The following LRP1B variants were observed in gnomAD, a reference collection of about 807,000 sequenced individuals.
The protein encoded by LRP1B is low-density lipoprotein receptor-related protein 1B.
LRP1B carries 217 observed loss-of-function variants against 556.6 expected under a neutral mutation model. The observed-to-expected ratio is 0.39, with a 90% CI of 0.35 to 0.44. The LOEUF (loss-of-function observed/expected upper bound fraction) is 0.44. LRP1B is among the 20% of genes least tolerant of loss of function. The pLI, the probability that LRP1B is intolerant of heterozygous loss-of-function variation, is 1.00. For synonymous variants in LRP1B, 2,047 were observed against 1,865.8 expected, an observed-to-expected ratio of 1.10 and a Z score of -2.50; for missense variants, 5,053 against 5,620.8, an observed-to-expected ratio of 0.90 and a Z score of 3.23.
chr2:141,721,657 AC>A (rs1692819750), intron 2 of LRP1B, among the ~76,000 whole-genome samples: 1 of 152,174 alleles, frequency 6.6e-6, no homozygotes, highest in African/African-American at 2.4e-5. Context: ...AGATTAGAGA[AC>A]TTTGTTCTTC....
At chr2:140,444,081 G>A (rs1201768238) in intron 65 of LRP1B, among the ~76,000 whole-genome samples, 1 of 152,120 alleles carries the variant, frequency 6.6e-6, no homozygotes, top group African/African-American at 2.4e-5. Flanking sequence ...GGATGATGTG[G>A]ATGAATGAAT....
At chr2:141,594,142 C>G (rs1687433534) in intron 2 of LRP1B, among the ~76,000 whole-genome samples, 1 of 152,114 alleles carries the variant, frequency 6.6e-6, no homozygotes, top group African/African-American at 2.4e-5. Flanking sequence ...CAGACCTAGC[C>G]AGATGGGGGA....
chr2:141,334,198 C>T (rs564085333), intron 3 of LRP1B, among the ~76,000 whole-genome samples: 6 of 152,284 alleles, frequency 3.9e-5, no homozygotes, highest in African/African-American at 1.4e-4. Context: ...TCCTGTCCAA[C>T]TGTAATCCTC....
intron 32 of LRP1B, among the ~76,000 whole-genome samples, chr2:140,780,955 C>G (rs10928072): frequency 2.6e-5 from 4 of 151,746 alleles, no homozygotes; most frequent in African/African-American, 9.7e-5. Context: ...AAAATGCCAA[C>G]CTCACCCTTT....
chr2:140,785,284 G>A (rs539944109), intron 32 of LRP1B, among the ~76,000 whole-genome samples: 1 of 152,140 alleles, frequency 6.6e-6, no homozygotes, highest in Non-Finnish European at 1.5e-5. Context: ...GCTGGAAGCT[G>A]TACTTCACTA....
intron 11 of LRP1B, among the ~76,000 whole-genome samples, chr2:141,043,807 A>C (rs1698779424): frequency 6.6e-6 from 1 of 152,036 alleles, no homozygotes; most frequent in Non-Finnish European, 1.5e-5. Context: ...TTACAATGAA[A>C]AATAAATCTT....
chr2:140,339,201 A>C (rs938510995), intron 77 of LRP1B, among the ~76,000 whole-genome samples: 3 of 151,804 alleles, frequency 2.0e-5, no homozygotes, highest in African/African-American at 7.2e-5. Context: ...TTACTAGTTT[A>C]AATTACTAAT....
chr2:140,830,111 A>G (rs1343079774), intron 31 of LRP1B, among the ~76,000 whole-genome samples: 4 of 152,052 alleles, frequency 2.6e-5, no homozygotes, highest in African/African-American at 9.7e-5. Flanking sequence ...TTAAATGAGA[A>G]TAAAAAATAC....
At chr2:140,891,066 C>T (rs1693783363) in intron 23 of LRP1B, among the ~76,000 whole-genome samples, 1 of 152,042 alleles carries the variant, frequency 6.6e-6, no homozygotes, top group African/African-American at 2.4e-5. Flanking sequence ...ATACTATCCT[C>T]TTAATAGAGA....
intron 86 of LRP1B, chr2:140,269,380 A>T (rs1682356359): frequency 2.1e-6 from 1 of 470,098 alleles, no homozygotes. Flanking sequence ...CCCACAGAGC[A>T]TCTGCAGAAT....
At chr2:141,449,263 G>A (rs1205962075) in intron 3 of LRP1B, among the ~76,000 whole-genome samples, 1 of 152,118 alleles carries the variant, frequency 6.6e-6, no homozygotes, top group African/African-American at 2.4e-5. Flanking sequence ...GCACATTTAT[G>A]ACATCTTCCA....
chr2:141,447,717 T>G (rs1681249684), intron 3 of LRP1B, among the ~76,000 whole-genome samples: 2 of 152,186 alleles, frequency 1.3e-5, no homozygotes, highest in Admixed American at 1.3e-4. Flanking sequence ...CTCCAGACCC[T>G]GTTTGCCTGG....
At chr2:141,351,940 A>G (rs947929734) in intron 3 of LRP1B, among the ~76,000 whole-genome samples, 2 of 151,910 alleles carry the variant, frequency 1.3e-5, no homozygotes, top group Admixed American at 1.3e-4. Flanking sequence ...GGAATCAGTA[A>G]AAACAAAAAC....
chr2:141,711,240 G>A lies in LRP1B; in HGVS notation c.205+99039C>T, dbSNP rs936512739. Among the ~76,000 whole-genome samples, 16 of 152,264 alleles carry A rather than the reference G, an allele frequency of 1.1e-4. 1 individual carries two copies. In the South Asian group the frequency reaches 3.1e-3, roughly 30 times the overall value. On this transcript the variant is annotated intron_variant, in intron 2 of 90. Transcript: ENST00000389484. ...ATGGTGTGCCAACCCAACCAGAGCT[G>A]ACTTGGCAGGTAGCATACATCTGAC... is the stretch of plus-strand genomic sequence containing the variant.
At chr2:140,350,543 A>T (rs1681909701) in intron 77 of LRP1B, among the ~76,000 whole-genome samples, 1 of 152,078 alleles carries the variant, frequency 6.6e-6, no homozygotes. Context: ...TGGAGATGTT[A>T]TATGTCATTC....
chr2:141,276,989 A>G (rs1685324481), intron 3 of LRP1B, among the ~76,000 whole-genome samples: 1 of 152,150 alleles, frequency 6.6e-6, no homozygotes, highest in African/African-American at 2.4e-5. Flanking sequence ...ATATGTATAC[A>G]TAGTATTCCA....
chr2:140,602,231 AAATT>A (rs2105201669), intron 41 of LRP1B, among the ~76,000 whole-genome samples: 1 of 152,258 alleles, frequency 6.6e-6, no homozygotes, highest in East Asian at 1.9e-4. Flanking sequence ...AGAGAAAAAG[AAATT>A]AATTGCCAGC....
chr2:141,447,694 T>C (rs917419355), intron 3 of LRP1B, among the ~76,000 whole-genome samples: 10 of 152,196 alleles, frequency 6.6e-5, no homozygotes, highest in African/African-American at 2.2e-4. Flanking sequence ...TGCTGGAGTT[T>C]GCTGGAGGTC....
intron 67 of LRP1B, among the ~76,000 whole-genome samples, chr2:140,384,608 C>T (rs77001135): frequency 0.011 from 1,621 of 152,300 alleles, 12 homozygotes; most frequent in Non-Finnish European, 0.018. Context: ...GCTTAATATA[C>T]TTCATTCCCA....
Sources: gnomAD v4.1 joint callset for allele counts (sites outside exome capture counted in the v4.1 genomes callset) on GRCh38, gnomAD v4.1.1 for gene constraint, MANE v1.5 for transcripts, NCBI Gene and HGNC (gene_info 2026-07-23, HGNC 2026-07-21) for gene names.